Variants in FRYL observed in about 807,000 individuals in gnomAD.
FRYL encodes the protein protein furry homolog-like.
A neutral mutation model predicts 351.2 loss-of-function variants in FRYL; 150 were observed. That is an observed-to-expected ratio of 0.43 (90% confidence interval 0.37 to 0.49). The LOEUF (loss-of-function observed/expected upper bound fraction) is 0.49, where lower values mean the gene tolerates loss of function less well. Among genes scored for constraint, FRYL ranks in the 20% least tolerant of loss-of-function variants. FRYL has a pLI of 0.00. For synonymous variants in FRYL, 1,153 were observed against 1,257.1 expected (o/e 0.92, Z 1.75); for missense variants, 3,036 against 3,619.3 (o/e 0.84, Z 4.13).
At chr4:48,623,382 C>A (rs1409560368) in intron 4 of FRYL, among the ~76,000 whole-genome samples, 1 of 152,162 alleles carries the variant, frequency 6.6e-6, no homozygotes, top group African/African-American at 2.4e-5. Context: ...AGAGGCAAGG[C>A]TCTCACTGTG....
intron 1 of FRYL, among the ~76,000 whole-genome samples, chr4:48,715,484 CA>C (rs1164076140): frequency 4.6e-5 from 7 of 151,504 alleles, no homozygotes; most frequent in Admixed American, 3.3e-4. Flanking sequence ...CAATAACAGA[CA>C]AACAGAGAGC....
chr4:48,779,178 A>T lies in FRYL; in HGVS notation c.-384+900T>A, dbSNP rs1776356225. 1.3e-5 allele frequency among the ~76,000 whole-genome samples: 2 copies of T among 152,214 alleles called. 1 individual carries two copies. The highest frequency in any genetic ancestry group is 1.3e-4 in the Admixed American group (2 of 15,288). On this transcript the variant is annotated intron_variant, in intron 1 of 63. Transcript: ENST00000358350. ...AACCAGCCTCTCCAGAACGCAGGAA[A>T]CCAGGCTGTGCCCAAAGAACCTGCC...
At chr4:48,573,669 C>T (rs1337324428) in intron 25 of FRYL, among the ~76,000 whole-genome samples, 1 of 152,138 alleles carries the variant, frequency 6.6e-6, no homozygotes, top group Non-Finnish European at 1.5e-5. Flanking sequence ...CCTGCCTCAG[C>T]CTCCTGAGTA....
chr4:48,728,877 T>G (rs1402249062), intron 1 of FRYL, among the ~76,000 whole-genome samples: 3 of 152,138 alleles, frequency 2.0e-5, no homozygotes, highest in African/African-American at 7.2e-5. Context: ...GGTTGGACAG[T>G]GGGTGCAGCC....
At chr4:48,719,280 T>C (rs764260342) in intron 1 of FRYL, among the ~76,000 whole-genome samples, 3 of 151,682 alleles carry the variant, frequency 2.0e-5, no homozygotes, top group Non-Finnish European at 2.9e-5. Flanking sequence ...ATGTATCCCA[T>C]GCCTTCCTAC....
chr4:48,624,345 A>G (rs1326426796), intron 4 of FRYL, among the ~76,000 whole-genome samples: 1 of 152,126 alleles, frequency 6.6e-6, no homozygotes, highest in Non-Finnish European at 1.5e-5. Context: ...GGTGGGACTC[A>G]CTGTGGAAAG....
At chr4:48,581,860 T>C (rs7695730) in intron 20 of FRYL, among the ~76,000 whole-genome samples, 5,013 of 152,264 alleles carry the variant, frequency 0.033, 89 homozygotes, top group Admixed American at 0.047. Flanking sequence ...GAACTGACAG[T>C]TGCTCTTCAT....
intron 2 of FRYL, among the ~76,000 whole-genome samples, chr4:48,698,719 A>T (rs929785361): frequency 6.6e-6 from 1 of 152,218 alleles, no homozygotes; most frequent in African/African-American, 2.4e-5. Flanking sequence ...AGAACATGCC[A>T]CCACAAAGCT....
chr4:48,686,405 G>C (rs564838620), intron 2 of FRYL, among the ~76,000 whole-genome samples: 47 of 152,018 alleles, frequency 3.1e-4, no homozygotes, highest in African/African-American at 1.1e-3. Context: ...TACTGTTCCA[G>C]CAAATATTTC....
chr4:48,736,262 G>A (rs1771388974), intron 1 of FRYL, among the ~76,000 whole-genome samples: 1 of 151,926 alleles, frequency 6.6e-6, no homozygotes, highest in African/African-American at 2.4e-5. Context: ...CATAGAAAAT[G>A]AGAAAAATCT....
intron 9 of FRYL, 40 bp downstream of exon 9, chr4:48,608,947 A>C (rs1324968858): frequency 1.6e-6 from 2 of 1,282,912 alleles, no homozygotes; most frequent in Non-Finnish European, 2.3e-6. Flanking sequence ...AGCATTCTAA[A>C]ATGCAAAGAA....
At chr4:48,570,976 T>A in intron 26 of FRYL, 58 bp from the exon 27 acceptor site, 1 of 1,338,248 alleles carries the variant, frequency 7.5e-7, no homozygotes. Flanking sequence ...TTGGAAAGAA[T>A]AATGTGACTG....
intron 19 of FRYL, 47 bp downstream of exon 19, chr4:48,586,574 G>C (rs766202234): frequency 1.4e-5 from 17 of 1,213,538 alleles, no homozygotes; most frequent in Non-Finnish European, 2.0e-5. Context: ...GAAATATAAA[G>C]GAGCAGAAGA....
chr4:48,507,191 C>A (rs891747627), intron 59 of FRYL, among the ~76,000 whole-genome samples: 5 of 152,086 alleles, frequency 3.3e-5, no homozygotes, highest in African/African-American at 1.2e-4. Context: ...TTGGGGGGCA[C>A]TATTCAAAAT....
intron 35 of FRYL, among the ~76,000 whole-genome samples, chr4:48,555,540 G>A (rs1389106041): frequency 6.6e-6 from 1 of 152,206 alleles, no homozygotes; most frequent in East Asian, 1.9e-4. Context: ...AGGAGGACCT[G>A]AAAGAGGTGA....
rs201943704 is a variant in FRYL, at chr4:48,606,638, G to T, written c.573-32C>A. ...TATACGTGGAGACATCATTTGATTT[G>T]AATTAAAAACACTAATTTCCACATG... On this transcript the variant is annotated intron_variant, in intron 9 of 63. Coordinates refer to ENST00000358350, the MANE Select transcript of FRYL (RefSeq NM_015030.2). The T allele has an allele frequency of 4.9e-4, 747 of 1,528,412 alleles. 6 individuals carry two copies. In the African/African-American group the frequency reaches 8.6e-3, roughly 18 times the overall value. The allele number at this position is 1,528,412 out of a possible 1,614,324, so 94.7% of individuals were successfully genotyped here.
intron 1 of FRYL, among the ~76,000 whole-genome samples, chr4:48,761,211 G>T (rs1481222158): frequency 6.6e-6 from 1 of 151,934 alleles, no homozygotes; most frequent in Non-Finnish European, 1.5e-5. Context: ...TTCCATGTAG[G>T]CTTTGGTGAA....
At chr4:48,598,174 G>GC (rs1744996791) in intron 13 of FRYL, among the ~76,000 whole-genome samples, 1 of 152,112 alleles carries the variant, frequency 6.6e-6, no homozygotes, top group Non-Finnish European at 1.5e-5. Flanking sequence ...TTGGAGTCTA[G>GC]CCTGGGCTAG....
chr4:48,679,370 A>G (rs575288933), intron 3 of FRYL, among the ~76,000 whole-genome samples: 2 of 152,264 alleles, frequency 1.3e-5, no homozygotes, highest in South Asian at 4.1e-4. Flanking sequence ...TCATAAATAT[A>G]CTATTTTTTA....
Sources: gnomAD v4.1 joint callset for allele counts (sites outside exome capture counted in the v4.1 genomes callset) on GRCh38, gnomAD v4.1.1 for gene constraint, MANE v1.5 for transcripts, NCBI Gene and HGNC (gene_info 2026-07-23, HGNC 2026-07-21) for gene names.